Variants in DCLRE1C observed in about 807,000 individuals in gnomAD.
DCLRE1C encodes the protein protein artemis.
Under a neutral mutation model 61.4 loss-of-function variants are expected in DCLRE1C, and 47 were observed. That is an observed-to-expected ratio of 0.77 (90% CI 0.61 to 0.98). The LOEUF (loss-of-function observed/expected upper bound fraction) is 0.98. Ranked by LOEUF, DCLRE1C falls within the 50% of genes least tolerant of loss-of-function variation. The pLI is 0.00. For missense variants in DCLRE1C, 858 were observed against 816.0 expected (o/e 1.05, Z -0.63); for synonymous variants, 337 against 287.6 (o/e 1.17, Z -1.74).
At chr10:14,935,741 G>C (rs1377613682) in intron 5 of DCLRE1C, among the ~76,000 whole-genome samples, 177 bp from the exon 6 acceptor site, 3 of 152,154 alleles carry the variant, frequency 2.0e-5, no homozygotes, top group Admixed American at 2.0e-4. Context: ...CTCTTCCCTC[G>C]GGTAGAAAAT....
chr10:14,928,286 A>G (rs964791510), intron 9 of DCLRE1C, 134 bp from the exon 10 acceptor site: 4 of 759,130 alleles, frequency 5.3e-6, no homozygotes, highest in South Asian at 1.7e-5. Context: ...CAGCAAAACA[A>G]TGTAGACATG....
Position 14,907,630 on chromosome 10 carries a change from G to C in DCLRE1C, c.*778C>G, listed in dbSNP as rs530895797. On this transcript the variant is annotated 3_prime_UTR_variant, in exon 14 of 14. Transcript: ENST00000378278. ...ATTATTTTGTCTTCTTGGTGAACTA[G>C]ACCTTTTATCATTAGGAAACTGTCC... 6.6e-6 allele frequency among the ~76,000 whole-genome samples: 1 copy of C among 152,134 alleles called. No homozygotes were observed. The highest frequency in any genetic ancestry group is 1.9e-4 in the East Asian group (1 of 5,156).
intron 3 of DCLRE1C, chr10:14,942,573 C>G (rs150978104): frequency 4.3e-4 from 65 of 152,514 alleles, no homozygotes; most frequent in African/African-American, 1.5e-3. Context: ...CGAGCACACA[C>G]ACGACAGAGA....
At position 14,899,366 on chromosome 10, in the gene DCLRE1C, C is replaced by T. The variant is rs956675530; in HGVS notation, c.1157-54G>A. 16 of 728,500 alleles carry T rather than the reference C, an allele frequency of 2.2e-5. No individual in the cohort carries two copies. The African/African-American group carries it at 2.3e-4, about 10-fold the overall frequency. 45.1% of individuals were successfully genotyped at this position (728,500 alleles called of 1,614,324 possible). On this transcript the variant is annotated intron_variant, in intron 13 of 13. Coordinates refer to the DCLRE1C transcript ENST00000378289. Reference sequence around the variant, plus strand: ...TTTGCATTATCATTTTTCTTCCCCTCATTTTCCCACCTCTTTGCATCTGAG... The same window carrying T: ...TTTGCATTATCATTTTTCTTCCCCTTATTTTCCCACCTCTTTGCATCTGAG...
chr10:14,926,195 G>T (rs907975109), intron 11 of DCLRE1C, among the ~76,000 whole-genome samples: 4 of 152,148 alleles, frequency 2.6e-5, no homozygotes, highest in African/African-American at 7.2e-5. Flanking sequence ...AGTAAGAGCT[G>T]AAAGAAGGCA....
At position 14,920,976 on chromosome 10, in the gene DCLRE1C, CTG is replaced by C. The variant is rs1364574776; in HGVS notation, c.1062-1146_1062-1145del. On this transcript the variant is annotated intron_variant, in intron 12 of 13. Transcript: ENST00000378278. ...CCAGCCTGGGTGACAGAGCCAGACT[CTG>C]TCTCAAAAAAAAAAAAGATGCAGGA... is the stretch of plus-strand genomic sequence containing the variant. Among the ~76,000 whole-genome samples, 4 of 149,216 alleles carry C rather than the reference CTG, an allele frequency of 2.7e-5. No homozygotes were observed. In the East Asian group the frequency reaches 8.0e-4, roughly 30 times the overall value.
chr10:14,940,554 C>G (rs1840704839), intron 3 of DCLRE1C, among the ~76,000 whole-genome samples: 1 of 152,078 alleles, frequency 6.6e-6, no homozygotes, highest in Non-Finnish European at 1.5e-5. Context: ...TTCCAAAGTG[C>G]TGGGATTACA....
Position 14,904,627 on chromosome 10 carries a change from CTT to C in DCLRE1C, c.*3779_*3780del, listed in dbSNP as rs1445316698. Among the ~76,000 whole-genome samples, 1 of 151,990 alleles carries C rather than the reference CTT, an allele frequency of 6.6e-6. No homozygotes were observed. Among genetic ancestry groups the C allele is most frequent in the Non-Finnish European group, 1.5e-5 (1 of 67,994 alleles). ...CAGTAAACATGTAGTTTTGTTTTGT[CTT>C]TATTGATAGAATGTAATGGGCCTTT... On this transcript the variant is annotated 3_prime_UTR_variant, in exon 14 of 14. Transcript: ENST00000378278.
At chr10:14,948,955 T>C in intron 2 of DCLRE1C, 81 bp downstream of exon 2, 1 of 963,264 alleles carries the variant, frequency 1.0e-6, no homozygotes, top group Admixed American at 1.8e-5. Context: ...ACTATATGCT[T>C]GGATGTATAT....
At chr10:14,904,602 C>T (rs1417478705), downstream of DCLRE1C, among the ~76,000 whole-genome samples, 1 of 152,098 alleles carries the variant, frequency 6.6e-6, no homozygotes, top group East Asian at 1.9e-4. Context: ...AGACTATTTT[C>T]AGTAAACATG....
chr10:14,913,153 G>T (rs1429212031), intron 13 of DCLRE1C, among the ~76,000 whole-genome samples: 1 of 152,262 alleles, frequency 6.6e-6, no homozygotes, highest in Non-Finnish European at 1.5e-5. Flanking sequence ...ACTGTGCCTG[G>T]CCATATGAGT....
At chr10:14,926,084 C>A (rs1353559950) in intron 11 of DCLRE1C, among the ~76,000 whole-genome samples, 5 of 152,182 alleles carry the variant, frequency 3.3e-5, no homozygotes, top group Non-Finnish European at 5.9e-5. Context: ...CCTCCCCAGC[C>A]CTGCGGAACT....
intron 3 of DCLRE1C, among the ~76,000 whole-genome samples, chr10:14,940,756 T>G (rs1397600739): frequency 1.3e-5 from 2 of 152,202 alleles, no homozygotes; most frequent in Non-Finnish European, 2.9e-5. Flanking sequence ...TGTCTAAGGT[T>G]TGGGTGTTAA....
chr10:14,924,457 A>G (rs1837620382), intron 11 of DCLRE1C, among the ~76,000 whole-genome samples: 1 of 152,216 alleles, frequency 6.6e-6, no homozygotes, highest in Admixed American at 6.5e-5. Context: ...GATCTCAGTC[A>G]AGTTACCTAA....
intron 12 of DCLRE1C, among the ~76,000 whole-genome samples, chr10:14,922,014 T>C (rs937989971): frequency 1.3e-5 from 2 of 152,238 alleles, no homozygotes; most frequent in African/African-American, 4.8e-5. Flanking sequence ...GCCTCATTCC[T>C]TCTGCACCCA....
Position 14,919,809 on chromosome 10 carries a change from G to A in DCLRE1C, c.1085C>T (p.Ser362Phe), listed in dbSNP as rs755182961. The change falls in exon 13 of 14, where the codon TCC becomes TTC. Residue 362 changes from serine (S) to phenylalanine (F), a missense_variant. Physicochemically the swap from Ser to Phe is radical, Grantham distance 155. Coordinates refer to ENST00000378278, the MANE Select transcript of DCLRE1C (RefSeq NM_001033855.3). ...TTTATACTTTGGCTCCGTACTTTGG[G>A]AAGACCGGCATAAAGGCTTTAAGCT... The part of the protein sequence containing the change: ...VEILKPLCRS[S>F]QSTEPKYKPL... The A allele has an allele frequency of 6.2e-7, 1 of 1,613,866 alleles. No individual in the cohort carries two copies. The highest frequency in any genetic ancestry group is 2.2e-5 in the East Asian group (1 of 44,876).
intron 9 of DCLRE1C, among the ~76,000 whole-genome samples, chr10:14,929,214 G>C (rs1358481892): frequency 2.0e-5 from 3 of 152,132 alleles, no homozygotes; most frequent in Non-Finnish European, 1.5e-5. Flanking sequence ...AGACCAGTCT[G>C]ACCAACATGG....
At chr10:14,949,480 A>C (rs867786288) in intron 1 of DCLRE1C, among the ~76,000 whole-genome samples, 40 of 152,340 alleles carry the variant, frequency 2.6e-4, no homozygotes, top group African/African-American at 9.1e-4. Flanking sequence ...GTCTATCTAG[A>C]AATTCAAGTT....
At chr10:14,942,101 G>A (rs1840950316) in intron 3 of DCLRE1C, 1 of 152,214 alleles carries the variant, frequency 6.6e-6, no homozygotes, top group Admixed American at 6.5e-5. Context: ...AACAGCTAGT[G>A]AACATTGCTG....
Sources: gnomAD v4.1 joint callset for allele counts (sites outside exome capture counted in the v4.1 genomes callset) on GRCh38, gnomAD v4.1.1 for gene constraint, MANE v1.5 for transcripts, NCBI Gene and HGNC (gene_info 2026-07-23, HGNC 2026-07-21) for gene names.